PTPRM: variants seen among roughly 807,000 people sequenced by gnomAD.
PTPRM encodes receptor-type tyrosine-protein phosphatase mu.
Under a neutral mutation model 186.7 loss-of-function variants are expected in PTPRM, and 47 were observed. That is an observed-to-expected ratio of 0.25 (90% CI 0.20 to 0.32). The LOEUF is 0.32. PTPRM is among the 10% of genes least tolerant of loss of function. PTPRM has a pLI of 1.00. For synonymous variants in PTPRM, 668 were observed against 674.9 expected, an observed-to-expected ratio of 0.99 and a Z score of 0.16; for missense variants, 1,494 against 1,865.0, an observed-to-expected ratio of 0.80 and a Z score of 3.66.
At chr18:8,244,232 T>C (rs1022547540) in intron 15 of PTPRM, 23 bp downstream of exon 15, 2 of 1,510,398 alleles carry the variant, frequency 1.3e-6, no homozygotes, top group Non-Finnish European at 1.8e-6. Flanking sequence ...GTTTCTTGGC[T>C]TCTAACACAT....
chr18:8,213,558 C>G (rs1290659201), intron 14 of PTPRM, among the ~76,000 whole-genome samples: 2 of 152,050 alleles, frequency 1.3e-5, no homozygotes, highest in African/African-American at 2.4e-5. Context: ...CAGTTCACAC[C>G]CACAGAGGGC....
At chr18:8,232,355 T>G (rs138163579) in intron 14 of PTPRM, among the ~76,000 whole-genome samples, 347 of 152,344 alleles carry the variant, frequency 2.3e-3, no homozygotes, top group African/African-American at 7.8e-3. Context: ...ATTCACCTAT[T>G]GAAGGACAGC....
chr18:8,012,436 G>A (rs1020789079), intron 7 of PTPRM, among the ~76,000 whole-genome samples: 3 of 152,156 alleles, frequency 2.0e-5, no homozygotes, highest in Admixed American at 6.5e-5. Context: ...ATCATGCCTC[G>A]ATGAAGGACA....
At chr18:7,947,397 C>G (rs2052610385) in intron 5 of PTPRM, among the ~76,000 whole-genome samples, 1 of 152,128 alleles carries the variant, frequency 6.6e-6, no homozygotes. Flanking sequence ...AAACTTGTGT[C>G]CCTTAGGTGA....
intron 7 of PTPRM, among the ~76,000 whole-genome samples, chr18:8,028,622 T>C (rs975021697): frequency 2.6e-5 from 4 of 152,204 alleles, no homozygotes; most frequent in Admixed American, 2.6e-4. Flanking sequence ...AGAGCCCGAC[T>C]TAGCAGTGGC....
chr18:7,716,433 A>T (rs145263253), intron 1 of PTPRM, among the ~76,000 whole-genome samples: 2 of 152,198 alleles, frequency 1.3e-5, no homozygotes, highest in Non-Finnish European at 2.9e-5. Context: ...ATGGGCAGAG[A>T]CTTCATGAGT....
intron 1 of PTPRM, among the ~76,000 whole-genome samples, chr18:7,585,077 T>C (rs1282137370): frequency 6.6e-6 from 1 of 152,126 alleles, no homozygotes; most frequent in Non-Finnish European, 1.5e-5. Flanking sequence ...TGAGGCCAAG[T>C]GTGCAGGAGG....
chr18:7,837,092 C>T (rs2046088540), intron 2 of PTPRM, among the ~76,000 whole-genome samples: 1 of 152,168 alleles, frequency 6.6e-6, no homozygotes, highest in South Asian at 2.1e-4. Context: ...GTCTCTTTCT[C>T]TACCTCTTCT....
chr18:7,696,644 G>C (rs1395690858), intron 1 of PTPRM, among the ~76,000 whole-genome samples: 2 of 152,210 alleles, frequency 1.3e-5, no homozygotes, highest in Non-Finnish European at 2.9e-5. Flanking sequence ...TGTTTCAAGG[G>C]GCGAGGATGA....
At chr18:7,713,379 A>G (rs2040253022) in intron 1 of PTPRM, among the ~76,000 whole-genome samples, 1 of 152,178 alleles carries the variant, frequency 6.6e-6, no homozygotes, top group South Asian at 2.1e-4. Flanking sequence ...AGTACTAAAC[A>G]TGGAAAGGAA....
chr18:7,775,377 G>C (rs1777586502), intron 2 of PTPRM, among the ~76,000 whole-genome samples: 1 of 152,198 alleles, frequency 6.6e-6, no homozygotes, highest in Admixed American at 6.5e-5. Context: ...TGTGTGTGCT[G>C]TTGAATATGA....
intron 14 of PTPRM, among the ~76,000 whole-genome samples, chr18:8,152,780 C>T (rs1178893230): frequency 4.4e-5 from 6 of 134,936 alleles, no homozygotes; most frequent in Non-Finnish European, 6.1e-5. Flanking sequence ...TGCAATGGCA[C>T]GATCTGAGCT....
chr18:8,103,117 G>T (rs138659558), intron 11 of PTPRM, among the ~76,000 whole-genome samples: 89 of 152,278 alleles, frequency 5.8e-4, no homozygotes, highest in African/African-American at 2.0e-3. Flanking sequence ...TCCAGGCTTT[G>T]TTGTTCCATT....
chr18:7,657,173 T>C (rs2038870546), intron 1 of PTPRM, among the ~76,000 whole-genome samples: 1 of 152,172 alleles, frequency 6.6e-6, no homozygotes, highest in African/African-American at 2.4e-5. Flanking sequence ...TGAGTTTAGA[T>C]TTTGCCAAAT....
intron 9 of PTPRM, among the ~76,000 whole-genome samples, chr18:8,080,911 C>T (rs1457808867): frequency 1.3e-5 from 2 of 152,200 alleles, no homozygotes; most frequent in Admixed American, 1.3e-4. Context: ...CGCTCTCCTC[C>T]TATAGCAGCT....
chr18:7,734,047 T>C (rs10163896), intron 1 of PTPRM, among the ~76,000 whole-genome samples: 7,404 of 152,268 alleles, frequency 0.049, 456 homozygotes, highest in East Asian at 0.13. Flanking sequence ...TTCACACTTA[T>C]GAAGGGGTCA....
At chr18:8,056,476 G>C (rs985526984) in intron 7 of PTPRM, among the ~76,000 whole-genome samples, 1 of 152,068 alleles carries the variant, frequency 6.6e-6, no homozygotes, top group Non-Finnish European at 1.5e-5. Context: ...TACAAAATTA[G>C]CCAGGCATTG....
In PTPRM at chr18:8,185,895, C is replaced by G. The variant is rs72895709; in HGVS notation, c.2300+42116C>G. On this transcript the variant is annotated intron_variant, in intron 14 of 32. Coordinates refer to ENST00000580170, the MANE Select transcript of PTPRM (RefSeq NM_001105244.2). ...AATGAAATGTGTCTCCCAATGTTGC[C>G]CCTTACCTCCTCCATACACAGTCCT... Among the ~76,000 whole-genome samples the G allele has an allele frequency of 5.9e-3, 894 of 152,230 alleles. 1 individual carries two copies. The highest frequency in any genetic ancestry group is 9.7e-3 in the Non-Finnish European group (663 of 68,022).
chr18:7,687,049 G>T (rs2039618907), intron 1 of PTPRM, among the ~76,000 whole-genome samples: 1 of 152,124 alleles, frequency 6.6e-6, no homozygotes, highest in African/African-American at 2.4e-5. Context: ...TATTCAAAAT[G>T]ATTTTTTCTA....
Sources: allele counts gnomAD v4.1 joint callset (sites outside exome capture counted in the v4.1 genomes callset), GRCh38; gene constraint gnomAD v4.1.1; transcripts MANE v1.5; gene names NCBI Gene and HGNC (gene_info 2026-07-23, HGNC 2026-07-21).